The following PTPN3 variants were observed in gnomAD, a reference collection of about 807,000 sequenced individuals.
PTPN3 encodes tyrosine-protein phosphatase non-receptor type 3.
A neutral mutation model predicts 132.7 loss-of-function variants in PTPN3; 96 were observed. The observed-to-expected ratio is 0.72, with a 90% CI of 0.61 to 0.86. PTPN3 has a LOEUF of 0.86. Ranked by LOEUF, PTPN3 falls within the 40% of genes least tolerant of loss-of-function variation. PTPN3 has a pLI of 0.00. For synonymous variants in PTPN3, 398 were observed against 429.0 expected, an observed-to-expected ratio of 0.93 and a Z score of 0.89; for missense variants, 1,125 against 1,159.6, an observed-to-expected ratio of 0.97 and a Z score of 0.43.
intron 19 of PTPN3, among the ~76,000 whole-genome samples, chr9:109,401,162 C>T (rs1156425200): frequency 6.6e-6 from 1 of 152,212 alleles, no homozygotes; most frequent in Non-Finnish European, 1.5e-5. Context: ...TAAAACGCAA[C>T]CCTAAAATGT....
chr9:109,390,103 G>T (rs1035180475), intron 21 of PTPN3, among the ~76,000 whole-genome samples: 16 of 152,048 alleles, frequency 1.1e-4, no homozygotes, highest in African/African-American at 3.9e-4. Flanking sequence ...CTCAGTCCTG[G>T]GATTATATGA....
intron 10 of PTPN3, among the ~76,000 whole-genome samples, chr9:109,431,740 C>T (rs1012303716): frequency 2.6e-5 from 4 of 152,160 alleles, no homozygotes; most frequent in Non-Finnish European, 4.4e-5. Flanking sequence ...ACAAATACCA[C>T]TTTTAGTGTT....
At chr9:109,473,556 C>G (rs896023578) in intron 1 of PTPN3, among the ~76,000 whole-genome samples, 18 of 152,140 alleles carry the variant, frequency 1.2e-4, no homozygotes, top group African/African-American at 4.3e-4. Context: ...GAGCCGCGGG[C>G]AGTTTCGGGA....
At chr9:109,441,817 C>T (rs1264310646) in intron 7 of PTPN3, among the ~76,000 whole-genome samples, 2 of 151,842 alleles carry the variant, frequency 1.3e-5, no homozygotes, top group Non-Finnish European at 2.9e-5. Flanking sequence ...TCATGGCTCA[C>T]TGCAGTCTCT....
intron 1 of PTPN3, among the ~76,000 whole-genome samples, chr9:109,473,900 T>C (rs181521778): frequency 2.2e-4 from 31 of 143,630 alleles, no homozygotes; most frequent in African/African-American, 8.0e-4. Flanking sequence ...AATTAGATTG[T>C]GTTAGAAGTT....
intron 4 of PTPN3, among the ~76,000 whole-genome samples, chr9:109,456,787 G>A (rs574689040): frequency 2.0e-5 from 3 of 152,236 alleles, no homozygotes; most frequent in Non-Finnish European, 2.9e-5. Context: ...TTCCGTGAAC[G>A]CGACTATGCT....
intron 4 of PTPN3, 91 bp from the exon 5 acceptor site, chr9:109,454,665 C>T (rs1845469133): frequency 2.1e-6 from 2 of 952,630 alleles, no homozygotes; most frequent in Admixed American, 3.9e-5. Flanking sequence ...TGCATTTTTT[C>T]ACTCAACCAT....
intron 1 of PTPN3, among the ~76,000 whole-genome samples, chr9:109,477,430 A>C (rs1286905857): frequency 1.3e-5 from 2 of 152,200 alleles, no homozygotes; most frequent in East Asian, 3.8e-4. Flanking sequence ...CTGATGTAAC[A>C]GGTGTTTCAG....
intron 1 of PTPN3, among the ~76,000 whole-genome samples, chr9:109,480,586 A>AT (rs1459323669): frequency 1.3e-5 from 2 of 152,346 alleles, no homozygotes; most frequent in Admixed American, 6.5e-5. Context: ...TTAGTGTCAT[A>AT]TCCAAGAATT....
intron 19 of PTPN3, among the ~76,000 whole-genome samples, chr9:109,399,628 G>C (rs1216222451): frequency 8.7e-5 from 12 of 137,954 alleles, no homozygotes; most frequent in Non-Finnish European, 1.6e-5. Context: ...CCACAGGAGG[G>C]ACTTTTTTTT....
intron 7 of PTPN3, among the ~76,000 whole-genome samples, chr9:109,440,505 C>G (rs1844383683): frequency 1.3e-5 from 2 of 152,210 alleles, no homozygotes; most frequent in South Asian, 4.1e-4. Flanking sequence ...CCCAGGTGAT[C>G]TGAACCCCAG....
chr9:109,433,134 C>T lies in PTPN3; in HGVS notation c.703G>A (p.Gly235Arg). The T allele has an allele frequency of 6.2e-7, 1 of 1,614,064 alleles. No homozygotes were observed. Among genetic ancestry groups the T allele is most frequent in the Non-Finnish European group, 8.5e-7 (1 of 1,180,002 alleles). ...ACAGCAACACCCGCGGAAGCAATTCCAATCATTAGGTCTAAATTGTGCAGA... is the reference window on the plus strand; with the variant it reads ...ACAGCAACACCCGCGGAAGCAATTCTAATCATTAGGTCTAAATTGTGCAGA... ...RDLHNLDLMI[G>R]IASAGVAVYR... Residue 235 changes from glycine to arginine, a missense_variant, in exon 10 of 26, where the codon GGA (glycine) becomes AGA (arginine). Physicochemically the swap from Gly to Arg is moderately radical, Grantham distance 125 (BLOSUM62 -2). Transcript: ENST00000374541.
intron 2 of PTPN3, among the ~76,000 whole-genome samples, chr9:109,461,531 G>C (rs1162321435): frequency 1.3e-5 from 2 of 152,178 alleles, no homozygotes; most frequent in Non-Finnish European, 2.9e-5. Context: ...TAAAGTGGGA[G>C]GGTCGCCTGA....
the PTPN3 span, among the ~76,000 whole-genome samples, chr9:109,519,000 C>T: frequency 1.3e-5 from 2 of 152,102 alleles, no homozygotes; most frequent in East Asian, 3.9e-4. Flanking sequence ...CCTGGAGCCC[C>T]CTAACTTCTC....
At chr9:109,512,432 C>A in the PTPN3 span, among the ~76,000 whole-genome samples, 1 of 152,224 alleles carries the variant, frequency 6.6e-6, no homozygotes. Flanking sequence ...CACACCTACT[C>A]AGTTAAACAT....
chr9:109,428,944 C>T, intron 10 of PTPN3: 1 of 985,444 alleles, frequency 1.0e-6, no homozygotes, highest in Non-Finnish European at 1.2e-6. Flanking sequence ...AGGCCATGCG[C>T]TCTCTTTGCT....
chr9:109,407,466 T>C (rs1841661059), intron 17 of PTPN3, among the ~76,000 whole-genome samples: 1 of 152,160 alleles, frequency 6.6e-6, no homozygotes, highest in Non-Finnish European at 1.5e-5. Flanking sequence ...TAACAAGACA[T>C]CATGTTGTAC....
intron 8 of PTPN3, among the ~76,000 whole-genome samples, chr9:109,437,587 C>A (rs1270655690): frequency 6.6e-6 from 1 of 152,098 alleles, no homozygotes; most frequent in African/African-American, 2.4e-5. Flanking sequence ...GGAAGAGCAG[C>A]CAGAATTGGG....
At position 109,378,170 on chromosome 9, in the gene PTPN3, A is replaced by G. The variant is rs1208305272; in HGVS notation, c.*1386T>C. ...ATATGAAAACATCTTTTCTATAAAT[A>G]CCATTAAGAACCTGGCTTTACTTCC... On this transcript the variant is annotated 3_prime_UTR_variant, in exon 26 of 26. Transcript: ENST00000374541. 6.6e-6 allele frequency: 1 copy of G among 152,224 alleles called. No homozygotes were observed. Among genetic ancestry groups the G allele is most frequent in the African/African-American group, 2.4e-5 (1 of 41,454 alleles). The allele number at this position is 152,224 out of a possible 1,614,324, so 9.4% of individuals were successfully genotyped here.
Sources: gnomAD v4.1 joint callset for allele counts (sites outside exome capture counted in the v4.1 genomes callset) on GRCh38, gnomAD v4.1.1 for gene constraint, MANE v1.5 for transcripts, NCBI Gene and HGNC (gene_info 2026-07-23, HGNC 2026-07-21) for gene names.